MYCBP2: variants seen among roughly 807,000 people sequenced by gnomAD.
MYCBP2 encodes E3 ubiquitin-protein ligase MYCBP2.
Under a neutral mutation model 525.3 loss-of-function variants are expected in MYCBP2, and 120 were observed. The ratio of observed to expected loss-of-function variants is 0.23; its 90% CI spans 0.20 to 0.27. The LOEUF (loss-of-function observed/expected upper bound fraction) is 0.27, where lower values mean the gene tolerates loss of function less well. Ranked by LOEUF, MYCBP2 falls within the 10% of genes least tolerant of loss-of-function variation. The pLI is 1.00. For synonymous variants in MYCBP2, 1,894 were observed against 1,955.8 expected (o/e 0.97, Z 0.83); for missense variants, 4,149 against 5,657.1 (o/e 0.73, Z 8.55).
intron 44 of MYCBP2, among the ~76,000 whole-genome samples, chr13:77,160,028 C>T (rs1466914805): frequency 6.6e-6 from 1 of 151,690 alleles, no homozygotes; most frequent in Admixed American, 6.6e-5. Flanking sequence ...AACACTACAG[C>T]TCCCTATGAT....
intron 33 of MYCBP2, 30 bp downstream of exon 33, chr13:77,181,671 C>G (rs2060232629): frequency 6.3e-7 from 1 of 1,581,184 alleles, no homozygotes; most frequent in Admixed American, 1.7e-5. Flanking sequence ...TTTAGTGCCT[C>G]TGTATAAAAG....
At chr13:77,260,792 C>A (rs554688400) in intron 12 of MYCBP2, among the ~76,000 whole-genome samples, 200 bp from the exon 13 acceptor site, 1 of 152,130 alleles carries the variant, frequency 6.6e-6, no homozygotes, top group African/African-American at 2.4e-5. Flanking sequence ...TTAATATTTA[C>A]GCTATCATTG....
At chr13:77,054,586 T>G (rs1352601711) in intron 80 of MYCBP2, among the ~76,000 whole-genome samples, 1 of 151,078 alleles carries the variant, frequency 6.6e-6, no homozygotes, top group Non-Finnish European at 1.5e-5. Flanking sequence ...TCAATAAAGA[T>G]CAGAGATTGG....
chr13:77,219,452 G>A (rs2065247851), intron 20 of MYCBP2, among the ~76,000 whole-genome samples: 1 of 151,406 alleles, frequency 6.6e-6, no homozygotes, highest in Non-Finnish European at 1.5e-5. Flanking sequence ...TGAAGCTGAA[G>A]GAGAGGATTT....
At chr13:77,211,523 T>G (rs78449361) in intron 22 of MYCBP2, among the ~76,000 whole-genome samples, 1,953 of 152,248 alleles carry the variant, frequency 0.013, 38 homozygotes, top group African/African-American at 0.044. Flanking sequence ...CCTAATCTCT[T>G]GCTATACCAC....
At chr13:77,267,716 G>T (rs1287080726) in intron 8 of MYCBP2, 125 bp downstream of exon 8, 4 of 733,318 alleles carry the variant, frequency 5.5e-6, no homozygotes, top group African/African-American at 1.8e-5. Flanking sequence ...TGTATGTCAA[G>T]ATTTTTAAAA....
intron 28 of MYCBP2, 78 bp downstream of exon 28, chr13:77,191,601 A>G: frequency 6.6e-7 from 1 of 1,508,772 alleles, no homozygotes; most frequent in Non-Finnish European, 9.0e-7. Flanking sequence ...ATCCTGCTGA[A>G]AGTACTCTGA....
intron 39 of MYCBP2, 26 bp downstream of exon 39, chr13:77,169,588 C>A (rs1275907848): frequency 6.4e-7 from 1 of 1,572,804 alleles, no homozygotes. Flanking sequence ...AAAAAACATT[C>A]AAAGTTATAG....
chr13:77,285,589 C>A (rs1292293235), intron 3 of MYCBP2, among the ~76,000 whole-genome samples: 1 of 152,102 alleles, frequency 6.6e-6, no homozygotes, highest in Non-Finnish European at 1.5e-5. Context: ...GAGTTTGAGA[C>A]CAGCTTTACC....
chr13:77,194,280 C>T (rs745905636), intron 26 of MYCBP2, 36 bp from the exon 27 acceptor site: 1 of 1,439,090 alleles, frequency 6.9e-7, no homozygotes. Flanking sequence ...TTATATAAAT[C>T]AGCTATACAT....
intron 15 of MYCBP2, among the ~76,000 whole-genome samples, chr13:77,248,332 A>G (rs572547788): frequency 2.0e-5 from 3 of 152,090 alleles, no homozygotes; most frequent in Non-Finnish European, 4.4e-5. Flanking sequence ...AACACAACCC[A>G]CAGACAGAAC....
rs986835651 is a variant in MYCBP2 at position 77,106,274 on chromosome 13, A to C, written c.8141-7261T>G. Among the ~76,000 whole-genome samples the C allele has an allele frequency of 2.0e-5, 3 of 152,178 alleles. No homozygotes were observed. In the East Asian group the frequency reaches 5.8e-4, roughly 29 times the overall value. On this transcript the variant is annotated intron_variant, in intron 55 of 82. Coordinates refer to ENST00000544440, the MANE Select transcript of MYCBP2 (RefSeq NM_015057.5). The stretch of plus-strand genomic sequence containing the variant: ...AATTTCATGAGTAAAAATTAGTAAT[A>C]CATTATTTTTTAAAAGGATAATTTT...
At position 77,166,384 on chromosome 13, in the gene MYCBP2, T is replaced by C; in HGVS notation, c.6285A>G (p.Glu2095=). 6.2e-7 allele frequency: 1 copy of C among 1,614,042 alleles called. No individual in the cohort carries two copies. Among genetic ancestry groups the C allele is most frequent in the Non-Finnish European group, 8.5e-7 (1 of 1,179,932 alleles). ...SVHENLNSWI[E]LKKFSGSSGW... The stretch of plus-strand genomic sequence containing the variant: ...CAGAGGATCCTGAAAATTTCTTTAA[T>C]TCTATCCATGAATTAAGATTTTCAT... Residue 2095 remains glutamate, a synonymous_variant, in exon 41 of 83, where the codon GAA becomes GAG. Transcript: ENST00000544440.
At chr13:77,072,308 A>C (rs1328531961) in intron 68 of MYCBP2, among the ~76,000 whole-genome samples, 1 of 59,910 alleles carries the variant, frequency 1.7e-5, no homozygotes, top group African/African-American at 8.1e-5. Flanking sequence ...AAGAAAAAAA[A>C]AAAAAAAAAG....
chr13:77,134,582 CAA>C (rs199903393), intron 52 of MYCBP2, among the ~76,000 whole-genome samples: 31 of 140,614 alleles, frequency 2.2e-4, no homozygotes, highest in African/African-American at 6.2e-4. Context: ...ACAAAAATAA[CAA>C]AAAAAAAAAG....
chr13:77,204,289 T>A (rs1274180070), intron 26 of MYCBP2, among the ~76,000 whole-genome samples: 12 of 151,204 alleles, frequency 7.9e-5, no homozygotes, highest in Admixed American at 1.3e-4. Flanking sequence ...CAAAAAACAC[T>A]TGAAAAAATG....
intron 55 of MYCBP2, among the ~76,000 whole-genome samples, chr13:77,108,260 G>A (rs530933508): frequency 6.6e-6 from 1 of 152,218 alleles, no homozygotes; most frequent in Admixed American, 6.5e-5. Flanking sequence ...CATACTCATA[G>A]CATATTATTG....
At chr13:77,133,142 G>A (rs1431138116) in intron 52 of MYCBP2, among the ~76,000 whole-genome samples, 5 of 151,928 alleles carry the variant, frequency 3.3e-5, no homozygotes, top group African/African-American at 9.7e-5. Context: ...TAATGCATAC[G>A]GAACATAAAT....
rs1369305230 is a variant in MYCBP2, at chr13:77,194,236, T to C, written c.3852A>G (p.Glu1284=). The C allele has an allele frequency of 5.6e-6, 9 of 1,611,382 alleles. No homozygotes were observed. The African/African-American group carries it at 1.2e-4, about 22-fold the overall frequency. Reference sequence around the variant, plus strand: ...CATGATCTCCTCCATCAGGACCCAATTCAAACAGCTAAGGAAAGGAGAAAG... The same window carrying C: ...CATGATCTCCTCCATCAGGACCCAACTCAAACAGCTAAGGAAAGGAGAAAG... ...GEYTAKIKLF[E]LGPDGGDHET... is the part of the protein sequence containing the mutation. The change falls in exon 27 of 83, where the codon GAA becomes GAG. Residue 1284 remains glutamate, a synonymous_variant. Transcript: ENST00000544440.
Sources: allele counts gnomAD v4.1 joint callset (sites outside exome capture counted in the v4.1 genomes callset), GRCh38; gene constraint gnomAD v4.1.1; transcripts MANE v1.5; gene names NCBI Gene and HGNC (gene_info 2026-07-23, HGNC 2026-07-21).